NAA35: variants seen among roughly 807,000 people sequenced by gnomAD.
The protein encoded by NAA35 is MAK10 homolog, amino-acid N-acetyltransferase subunit.
In NAA35, 18 loss-of-function variants were observed where a neutral mutation model predicts 101.7. The ratio of observed to expected loss-of-function variants is 0.18; its 90% CI spans 0.12 to 0.26. The LOEUF is 0.26. NAA35 is among the 10% of genes least tolerant of loss of function. The pLI is 1.00. For synonymous variants in NAA35, 267 were observed against 273.1 expected (o/e 0.98, Z 0.22); for missense variants, 601 against 886.8 (o/e 0.68, Z 4.09).
intron 8 of NAA35, among the ~76,000 whole-genome samples, 156 bp from the exon 9 acceptor site, chr9:85,976,526 TAGG>T (rs894173980): frequency 5.3e-5 from 8 of 152,312 alleles, no homozygotes; most frequent in African/African-American, 1.9e-4. Context: ...ATAGGATTAA[TAGG>T]AGGAATGTAA....
At chr9:85,992,724 A>G (rs996389084) in intron 11 of NAA35, among the ~76,000 whole-genome samples, 9 of 152,354 alleles carry the variant, frequency 5.9e-5, no homozygotes, top group Admixed American at 5.2e-4. Flanking sequence ...CTGAAGGAGA[A>G]TAAGAGGCAG....
intron 21 of NAA35, among the ~76,000 whole-genome samples, chr9:86,020,542 A>G (rs1409250609): frequency 1.3e-5 from 2 of 152,204 alleles, no homozygotes; most frequent in African/African-American, 4.8e-5. Context: ...TTCTATTAGT[A>G]TCTGTAATTA....
intron 22 of NAA35, 69 bp downstream of exon 22, chr9:86,021,038 T>C: frequency 8.8e-7 from 1 of 1,134,916 alleles, no homozygotes; most frequent in Non-Finnish European, 1.3e-6. Context: ...TGCAATAAGA[T>C]GTGTAAATAT....
At position 85,961,999 on chromosome 9, in the gene NAA35, T is replaced by C. The variant is rs1213300058; in HGVS notation, c.349-14T>C. 1.3e-6 allele frequency: 2 copies of C among 1,591,710 alleles called. No homozygotes were observed. The highest frequency in any genetic ancestry group is 1.7e-6 in the Non-Finnish European group (2 of 1,171,778). ...TTTATCACCTTAAATATATACTCTT[T>C]TGTTTCTTTATAGATAACGTGGTTA... On this transcript the variant is annotated splice_polypyrimidine_tract_variant and intron_variant, in intron 5 of 22. Transcript: ENST00000361671.
chr9:85,959,800 C>G lies in NAA35; in HGVS notation c.281C>G (p.Thr94Ser), dbSNP rs1473769434. Reference sequence around the variant, plus strand: ...ATTCTTCCTCCTTTTTAGGATGGCACTATTAAAATTAAAGATCTCACCTTG... The same window carrying G: ...ATTCTTCCTCCTTTTTAGGATGGCAGTATTAAAATTAAAGATCTCACCTTG... ...LNFEQAIKDG[T>S]IKIKDLTLPE... The change falls in exon 5 of 23, where the codon ACT becomes AGT. Residue 94 changes from threonine to serine, a missense_variant. Physicochemically the swap from Thr to Ser is moderately conservative, Grantham distance 58. Coordinates refer to ENST00000361671, the MANE Select transcript of NAA35 (RefSeq NM_024635.4). 6.2e-6 allele frequency: 10 copies of G among 1,607,090 alleles called. No individual in the cohort carries two copies. Among genetic ancestry groups the G allele is most frequent in the Non-Finnish European group, 8.5e-6 (10 of 1,177,326 alleles).
intron 12 of NAA35, among the ~76,000 whole-genome samples, chr9:85,999,530 A>T (rs936843450): frequency 6.6e-6 from 1 of 152,208 alleles, no homozygotes; most frequent in African/African-American, 2.4e-5. Flanking sequence ...TTGAAGGCTA[A>T]GTTGTCTGCC....
At chr9:86,009,965 A>G (rs1178554932) in intron 15 of NAA35, 34 bp downstream of exon 15, 18 of 1,563,068 alleles carry the variant, frequency 1.2e-5, no homozygotes, top group Non-Finnish European at 1.6e-5. Flanking sequence ...CATAATGGGT[A>G]CTTTAAAAAT....
At chr9:85,978,993 T>G (rs753370540) in intron 11 of NAA35, among the ~76,000 whole-genome samples, 1 of 152,200 alleles carries the variant, frequency 6.6e-6, no homozygotes, top group Non-Finnish European at 1.5e-5. Context: ...AAAGGCCATT[T>G]CAATAATAAT....
chr9:85,977,414 C>T lies in NAA35; in HGVS notation c.730C>T (p.Leu244=). ...CAGAGTGAAATTTACTCGTGTGTTACTGACAGTGCTTATAGCCTTTACTAA... is the reference window on the plus strand; with the variant it reads ...CAGAGTGAAATTTACTCGTGTGTTATTGACAGTGCTTATAGCCTTTACTAA... ...FSRVKFTRVL[L]TVLIAFTKKE... Residue 244 remains leucine, a synonymous_variant, in exon 10 of 23, where the codon CTG becomes TTG. Coordinates refer to ENST00000361671, the MANE Select transcript of NAA35 (RefSeq NM_024635.4). 1 of 1,611,398 alleles carries T rather than the reference C, an allele frequency of 6.2e-7. No homozygotes were observed. Among genetic ancestry groups the T allele is most frequent in the Non-Finnish European group, 8.5e-7 (1 of 1,177,998 alleles).
At chr9:85,977,733 C>T (rs1471879810) in intron 10 of NAA35, among the ~76,000 whole-genome samples, 1 of 151,978 alleles carries the variant, frequency 6.6e-6, no homozygotes, top group Non-Finnish European at 1.5e-5. Flanking sequence ...TTAGGTAGGC[C>T]TAGTCTTACC....
intron 14 of NAA35, among the ~76,000 whole-genome samples, chr9:86,007,690 A>G (rs757063259): frequency 3.3e-5 from 5 of 152,176 alleles, no homozygotes; most frequent in Non-Finnish European, 5.9e-5. Context: ...TTTTGTCTCC[A>G]GCGTAAGTCC....
chr9:85,962,253 G>A, intron 6 of NAA35, 73 bp downstream of exon 6: 3 of 1,425,856 alleles, frequency 2.1e-6, no homozygotes, highest in Non-Finnish European at 1.9e-6. Flanking sequence ...CAGTTTGGGA[G>A]GCCAAGGTGG....
chr9:85,967,757 C>T (rs1829824357), intron 6 of NAA35, among the ~76,000 whole-genome samples: 1 of 150,924 alleles, frequency 6.6e-6, no homozygotes, highest in Admixed American at 6.6e-5. Flanking sequence ...AGCTGAGATC[C>T]TGCCACTGCA....
intron 19 of NAA35, among the ~76,000 whole-genome samples, chr9:86,017,961 G>C (rs780679300): frequency 6.6e-6 from 1 of 152,168 alleles, no homozygotes; most frequent in Non-Finnish European, 1.5e-5. Context: ...GCTCCACAAC[G>C]AATGGCTTAA....
In NAA35 at chr9:85,975,127, TGTG is replaced by T; in HGVS notation, c.599_601del (p.Val200del). ...TTCTTTTTCTAGGCATGCTAAAAGATGTGGAGGATGACATGCAAAGAAGAGTAA... is the reference window on the plus strand; with the variant it reads ...TTCTTTTTCTAGGCATGCTAAAAGATGAGGATGACATGCAAAGAAGAGTAA... On this transcript the variant is annotated inframe_deletion, in exon 8 of 23. Coordinates refer to ENST00000361671, the MANE Select transcript of NAA35 (RefSeq NM_024635.4). 6.2e-7 allele frequency: 1 copy of T among 1,613,644 alleles called. No homozygotes were observed. Among genetic ancestry groups the T allele is most frequent in the Non-Finnish European group, 8.5e-7 (1 of 1,179,788 alleles).
At chr9:85,950,985 A>C (rs1828992735) in intron 2 of NAA35, among the ~76,000 whole-genome samples, 1 of 152,034 alleles carries the variant, frequency 6.6e-6, no homozygotes, top group African/African-American at 2.4e-5. Context: ...GAAATACAAA[A>C]GTATTAGCTG....
At chr9:85,941,376 T>A in intron 1 of NAA35, 103 bp downstream of exon 1, 1 of 985,468 alleles carries the variant, frequency 1.0e-6, no homozygotes, top group Non-Finnish European at 1.2e-6. Flanking sequence ...CAGGTCACCC[T>A]GCGGCCCCGG....
rs1832515943 is a variant in NAA35, at chr9:86,020,982, T to C, written c.2118+13T>C. 3 of 1,591,072 alleles carry C rather than the reference T, an allele frequency of 1.9e-6. No homozygotes were observed. The highest frequency in any genetic ancestry group is 2.6e-6 in the Non-Finnish European group (3 of 1,163,496). On this transcript the variant is annotated intron_variant, in intron 22 of 22. Transcript: ENST00000361671. Reference sequence around the variant, plus strand: ...AAAGGAATCTAAAGTGAGTACATTGTGGGAAAAATAAGTGGTCTTAGATTA... The same window carrying C: ...AAAGGAATCTAAAGTGAGTACATTGCGGGAAAAATAAGTGGTCTTAGATTA...
At chr9:85,996,653 G>A in intron 12 of NAA35, 76 bp downstream of exon 12, 6 of 1,185,984 alleles carry the variant, frequency 5.1e-6, no homozygotes, top group Non-Finnish European at 7.0e-6. Context: ...ACATATTTAT[G>A]TGGTAACTTT....
Sources: gnomAD v4.1 joint callset for allele counts (sites outside exome capture counted in the v4.1 genomes callset) on GRCh38, gnomAD v4.1.1 for gene constraint, MANE v1.5 for transcripts, NCBI Gene and HGNC (gene_info 2026-07-23, HGNC 2026-07-21) for gene names.